The following RASSF3 variants were observed in gnomAD, a reference collection of about 807,000 sequenced individuals.
The protein encoded by RASSF3 is Ras association domain family member 3, also known as ras association domain-containing protein 3.
A neutral mutation model predicts 19.9 loss-of-function variants in RASSF3; 19 were observed. The ratio of observed to expected loss-of-function variants is 0.96; its 90% CI spans 0.67 to 1.40. RASSF3 has a LOEUF of 1.40. Among genes scored for constraint, RASSF3 ranks in the 40% most tolerant of loss-of-function variants. RASSF3 has a pLI of 0.00. For synonymous variants in RASSF3, 110 were observed against 104.2 expected, an observed-to-expected ratio of 1.06 and a Z score of -0.34; for missense variants, 306 against 289.8, an observed-to-expected ratio of 1.06 and a Z score of -0.41.
At chr12:64,626,337 C>T (rs1461452105) in intron 1 of RASSF3, among the ~76,000 whole-genome samples, 1 of 151,732 alleles carries the variant, frequency 6.6e-6, no homozygotes, top group African/African-American at 2.4e-5. Context: ...GAGTTTGAGA[C>T]CAACCTGGGC....
Position 64,672,329 on chromosome 12 carries a change from G to A in RASSF3, c.112-12458G>A, listed in dbSNP as rs540643112. Among the ~76,000 whole-genome samples the A allele has an allele frequency of 2.0e-5, 3 of 152,218 alleles. No homozygotes were observed. The East Asian group carries it at 5.8e-4, about 29-fold the overall frequency. On this transcript the variant is annotated intron_variant, in intron 1 of 4. Coordinates refer to ENST00000542104, the MANE Select transcript of RASSF3 (RefSeq NM_178169.4). Reference sequence around the variant, plus strand: ...GAACCCCCGCCTCCTGAGTTCAAGCGATTCTCCTGCCTCAGCCTCCTGTGT... The same window carrying A: ...GAACCCCCGCCTCCTGAGTTCAAGCAATTCTCCTGCCTCAGCCTCCTGTGT...
intron 1 of RASSF3, among the ~76,000 whole-genome samples, chr12:64,520,339 T>C (rs1868445948): frequency 6.6e-6 from 1 of 151,656 alleles, no homozygotes; most frequent in Non-Finnish European, 1.5e-5. Flanking sequence ...ATTTTTGTAT[T>C]TTTAGTAGAG....
At chr12:64,689,791 C>CTTTTTGTTTTTTT (rs1868255237) in intron 3 of RASSF3, among the ~76,000 whole-genome samples, 1 of 96,556 alleles carries the variant, frequency 1.0e-5, no homozygotes, top group East Asian at 3.1e-4. Context: ...TTCGCTAATT[C>CTTTTTGTTTTTTT]TTTTTTTTTT....
intron 1 of RASSF3, among the ~76,000 whole-genome samples, chr12:64,637,751 A>C (rs545563411): frequency 6.6e-6 from 1 of 151,762 alleles, no homozygotes; most frequent in South Asian, 2.1e-4. Context: ...TCCTTTCTAG[A>C]AACACTCCAA....
chr12:64,689,288 G>A (rs926645192), intron 3 of RASSF3, among the ~76,000 whole-genome samples: 9 of 151,308 alleles, frequency 5.9e-5, no homozygotes, highest in African/African-American at 2.2e-4. Context: ...TCTCGGTAAA[G>A]CCTAATGTAG....
At chr12:64,659,718 TG>T (rs1369169743) in intron 1 of RASSF3, among the ~76,000 whole-genome samples, 11 of 151,802 alleles carry the variant, frequency 7.2e-5, no homozygotes, top group Non-Finnish European at 1.3e-4. Flanking sequence ...GAGGCTGAGG[TG>T]GGCAGATCTC....
At chr12:64,577,249 T>G (rs996566958) in intron 2 of RASSF3, among the ~76,000 whole-genome samples, 3 of 152,208 alleles carry the variant, frequency 2.0e-5, no homozygotes, top group African/African-American at 7.2e-5. Context: ...CTAGCCCTGT[T>G]GACAGACTGA....
intron 2 of RASSF3, 96 bp from the exon 3 acceptor site, chr12:64,688,120 A>G (rs1380439707): frequency 2.4e-6 from 2 of 839,740 alleles, no homozygotes; most frequent in Non-Finnish European, 4.1e-6. Context: ...GAAGAGAACA[A>G]AGGAGTGTTT....
intron 2 of RASSF3, among the ~76,000 whole-genome samples, chr12:64,598,607 G>A (rs574827146): frequency 2.3e-4 from 35 of 152,264 alleles, no homozygotes; most frequent in African/African-American, 8.2e-4. Context: ...GGCCTCCACA[G>A]AAATTCTGAG....
At chr12:64,588,558 TAATA>T (rs1236355342) in intron 2 of RASSF3, among the ~76,000 whole-genome samples, 4 of 151,758 alleles carry the variant, frequency 2.6e-5, no homozygotes, top group African/African-American at 9.7e-5. Context: ...TAAATGTATA[TAATA>T]AATAAAATAT....
rs75258011 is a variant in RASSF3 at position 64,520,103 on chromosome 12, A to C, written c.169+12774A>C. On this transcript the variant is annotated intron_variant, in intron 1 of 5. Transcript: ENST00000637125. ...TATTGAAACCTGGCACACAATAAGT[A>C]CTCAGTAGATGGTAGCCTCTAAATC... is the stretch of plus-strand genomic sequence containing the variant. 9.0e-3 allele frequency among the ~76,000 whole-genome samples: 1,371 copies of C among 151,712 alleles called. 29 individuals carry two copies. Among genetic ancestry groups the C allele is most frequent in the African/African-American group, 0.031 (1,299 of 41,300 alleles).
intron 1 of RASSF3, among the ~76,000 whole-genome samples, chr12:64,623,784 C>CGT (rs1255934289): frequency 1.3e-5 from 2 of 151,212 alleles, no homozygotes; most frequent in Admixed American, 6.6e-5. Context: ...CTGGGATTGC[C>CGT]AGCACCCGCC....
chr12:64,665,807 G>A (rs1872524959), intron 1 of RASSF3, among the ~76,000 whole-genome samples: 2 of 152,172 alleles, frequency 1.3e-5, no homozygotes, highest in South Asian at 2.1e-4. Context: ...TCCTTCTACC[G>A]CAGGGTCGCT....
At chr12:64,618,245 T>C (rs1254372858) in intron 1 of RASSF3, among the ~76,000 whole-genome samples, 1 of 152,224 alleles carries the variant, frequency 6.6e-6, no homozygotes, top group Non-Finnish European at 1.5e-5. Flanking sequence ...CTCCTGAGTA[T>C]TCCAGGTTTT....
rs527786656 is a variant in RASSF3, at chr12:64,597,272, G to A, written c.294+55567G>A. On this transcript the variant is annotated intron_variant, in intron 2 of 5. Coordinates refer to the RASSF3 transcript ENST00000637125. ...CTCAGCCCCTCGAGTAGCTGGGATT[G>A]CAGGCATGCACCACCGTACCCAGCT... 2.1e-4 allele frequency among the ~76,000 whole-genome samples: 32 copies of A among 149,778 alleles called. No individual in the cohort carries two copies. In the East Asian group the frequency reaches 6.1e-3, roughly 28 times the overall value.
chr12:64,573,540 A>G (rs1869552159), intron 2 of RASSF3, among the ~76,000 whole-genome samples: 1 of 152,180 alleles, frequency 6.6e-6, no homozygotes, highest in South Asian at 2.1e-4. Flanking sequence ...ATTGTTCTAC[A>G]TGTTTTACCT....
intron 1 of RASSF3, among the ~76,000 whole-genome samples, chr12:64,679,249 T>C (rs1873026603): frequency 1.3e-5 from 2 of 152,108 alleles, no homozygotes; most frequent in African/African-American, 4.8e-5. Context: ...TTTGTAGAGA[T>C]GGGGTTTCAC....
intron 2 of RASSF3, among the ~76,000 whole-genome samples, chr12:64,579,346 CTTTTTTTTT>C (rs1265939630): frequency 8.5e-6 from 1 of 117,056 alleles, no homozygotes; most frequent in Non-Finnish European, 1.7e-5. Flanking sequence ...TAGCCAAGTT[CTTTTTTTTT>C]TTTTTTTTTT....
intron 2 of RASSF3, among the ~76,000 whole-genome samples, chr12:64,553,598 T>G (rs756107311): frequency 3.3e-5 from 5 of 152,170 alleles, no homozygotes; most frequent in Non-Finnish European, 7.4e-5. Context: ...CAACCTGACT[T>G]CCTTTCCAAT....
Sources: allele counts gnomAD v4.1 joint callset (sites outside exome capture counted in the v4.1 genomes callset), GRCh38; gene constraint gnomAD v4.1.1; transcripts MANE v1.5; gene names NCBI Gene and HGNC (gene_info 2026-07-23, HGNC 2026-07-21).